Variants in ADGRD1 observed in about 807,000 individuals in gnomAD.
ADGRD1 encodes the protein G-protein coupled receptor 133.
Under a neutral mutation model 113.4 loss-of-function variants are expected in ADGRD1, and 77 were observed. The ratio of observed to expected loss-of-function variants is 0.68; its 90% confidence interval spans 0.57 to 0.82. The LOEUF (loss-of-function observed/expected upper bound fraction) is 0.82, where lower values mean the gene tolerates loss of function less well. ADGRD1 is among the 40% of genes least tolerant of loss of function. The pLI is 0.00. For missense variants in ADGRD1, 1,036 were observed against 1,139.1 expected (o/e 0.91, Z 1.30); for synonymous variants, 474 against 475.0 (o/e 1.00, Z 0.03).
chr12:130,971,688 A>G lies in ADGRD1; in HGVS notation c.310+108A>G. On this transcript the variant is annotated intron_variant, in intron 4 of 24. Coordinates refer to ENST00000261654, the MANE Select transcript of ADGRD1 (RefSeq NM_198827.5). The surrounding 1 kb of genome is among the most constrained non-coding windows in gnomAD (Gnocchi z 4.2). ...AACCTGAGGTTCTCATCAATTGCAG[A>G]ATGCGTGAGAATGTCAACGATGGAT... 8.3e-7 allele frequency: 1 copy of G among 1,210,716 alleles called. No individual in the cohort carries two copies. Among genetic ancestry groups the G allele is most frequent in the Non-Finnish European group, 1.1e-6 (1 of 871,284 alleles). The allele number at this position is 1,210,716 out of a possible 1,614,324, so 75.0% of individuals were successfully genotyped here.
At chr12:131,081,216 C>G (rs1243665250) in intron 14 of ADGRD1, among the ~76,000 whole-genome samples, 1 of 151,962 alleles carries the variant, frequency 6.6e-6, no homozygotes, top group Non-Finnish European at 1.5e-5. Flanking sequence ...TGGGTCGTGT[C>G]TTTTCTTTAA....
chr12:131,095,545 T>A (rs924827704), intron 15 of ADGRD1, among the ~76,000 whole-genome samples: 1 of 151,940 alleles, frequency 6.6e-6, no homozygotes, highest in Non-Finnish European at 1.5e-5. Context: ...AGAATTGGGG[T>A]CTTACTCTGT....
At chr12:131,102,928 G>A (rs75652236) in intron 15 of ADGRD1, among the ~76,000 whole-genome samples, 2,871 of 152,294 alleles carry the variant, frequency 0.019, 90 homozygotes, top group African/African-American at 0.065. Flanking sequence ...AGGGGACGGG[G>A]GCCCCATTTC....
intron 4 of ADGRD1, chr12:130,978,406 T>TGCTTATA (rs1244965869): frequency 6.6e-6 from 1 of 152,226 alleles, no homozygotes; most frequent in African/African-American, 2.4e-5. Flanking sequence ...TAGGATTCAG[T>TGCTTATA]GCTTATAACA....
Position 130,966,216 on chromosome 12 carries a change from A to T in ADGRD1, c.104-247A>T, listed in dbSNP as rs1477892280. 6.6e-6 allele frequency among the ~76,000 whole-genome samples: 1 copy of T among 152,208 alleles called. No individual in the cohort carries two copies. The highest frequency in any genetic ancestry group is 1.9e-4 in the East Asian group (1 of 5,198). On this transcript the variant is annotated intron_variant, in intron 2 of 24. Coordinates refer to ENST00000261654, the MANE Select transcript of ADGRD1 (RefSeq NM_198827.5). This position sits in a 1 kb window ranked among gnomAD's most constrained non-coding sequence, Gnocchi z 4.6. Reference sequence around the variant, plus strand: ...ATGCAGTGGCTTCTGTTTTCATGCAACAAGAGGCATCTATTCCTATTTACC... The same window carrying T: ...ATGCAGTGGCTTCTGTTTTCATGCATCAAGAGGCATCTATTCCTATTTACC...
intron 14 of ADGRD1, among the ~76,000 whole-genome samples, chr12:131,080,707 G>A (rs1226059226): frequency 1.3e-5 from 2 of 152,006 alleles, no homozygotes; most frequent in African/African-American, 2.4e-5. Flanking sequence ...TGCAAGCTCC[G>A]CCTCCCAGGT....
chr12:131,060,318 T>A lies in ADGRD1; in HGVS notation c.1474-16483T>A, dbSNP rs1884212288. Among the ~76,000 whole-genome samples, 1 of 152,184 alleles carries A rather than the reference T, an allele frequency of 6.6e-6. No individual in the cohort carries two copies. Among genetic ancestry groups the A allele is most frequent in the Non-Finnish European group, 1.5e-5 (1 of 68,030 alleles). On this transcript the variant is annotated intron_variant, in intron 13 of 24. Transcript: ENST00000261654. This position sits in a 1 kb window ranked among gnomAD's most constrained non-coding sequence, Gnocchi z 4.4. The stretch of plus-strand genomic sequence containing the variant: ...ACACTTTCTCCCGTGGTATTTGGAG[T>A]AGCTAATTACTGCCTGTCTAGGTGG...
chr12:131,037,455 G>T (rs1169519598), intron 13 of ADGRD1, among the ~76,000 whole-genome samples: 1 of 144,610 alleles, frequency 6.9e-6, no homozygotes. Context: ...CACTGCATGG[G>T]GCCTCACTCA....
intron 20 of ADGRD1, among the ~76,000 whole-genome samples, chr12:131,121,299 G>A (rs967364783): frequency 2.6e-5 from 4 of 152,244 alleles, no homozygotes; most frequent in Non-Finnish European, 4.4e-5. Flanking sequence ...AATCTCAGCA[G>A]AAGCCTCCTG....
intron 3 of ADGRD1, chr12:130,968,981 C>T (rs1050846535): frequency 1.3e-6 from 2 of 1,530,616 alleles, no homozygotes; most frequent in Non-Finnish European, 1.8e-6. Context: ...ACCCAGCGTC[C>T]CGAACCCACA....
intron 21 of ADGRD1, 55 bp from the exon 22 acceptor site, chr12:131,135,980 TCA>T: frequency 1.2e-6 from 2 of 1,602,408 alleles, no homozygotes; most frequent in Non-Finnish European, 1.7e-6. Context: ...AGGGCAGTCC[TCA>T]CAGCCTGCAC....
At chr12:131,103,431 C>T (rs918078923) in intron 15 of ADGRD1, among the ~76,000 whole-genome samples, 7 of 152,270 alleles carry the variant, frequency 4.6e-5, no homozygotes, top group African/African-American at 7.2e-5. Context: ...CCCAGCCCCA[C>T]GCACCCAGGA....
In ADGRD1 at chr12:131,088,416, A is replaced by T. The variant is rs529796685; in HGVS notation, c.1671+3753A>T. 2.6e-5 allele frequency among the ~76,000 whole-genome samples: 4 copies of T among 152,342 alleles called. No individual in the cohort carries two copies. The South Asian group carries it at 8.3e-4, about 32-fold the overall frequency. Reference sequence around the variant, plus strand: ...GATCATGTCGGATGACTTGTGGATAATTAGGCTCTAAAACGCAGTCCTGGT... The same window carrying T: ...GATCATGTCGGATGACTTGTGGATATTTAGGCTCTAAAACGCAGTCCTGGT... On this transcript the variant is annotated intron_variant, in intron 15 of 24. Coordinates refer to ENST00000261654, the MANE Select transcript of ADGRD1 (RefSeq NM_198827.5).
At chr12:131,130,358 G>A (rs1014572763) in intron 20 of ADGRD1, among the ~76,000 whole-genome samples, 2 of 152,188 alleles carry the variant, frequency 1.3e-5, no homozygotes, top group Non-Finnish European at 2.9e-5. Context: ...GACAGGAGCC[G>A]AGGAGGGAAC....
intron 13 of ADGRD1, among the ~76,000 whole-genome samples, chr12:131,014,638 C>G (rs139953266): frequency 5.9e-5 from 9 of 152,304 alleles, no homozygotes; most frequent in Non-Finnish European, 1.2e-4. Context: ...AACAAGTGTC[C>G]TTACTGGAGG....
In ADGRD1 at chr12:130,954,415, C is replaced by T. The variant is rs541350448; in HGVS notation, c.-51C>T. The T allele has an allele frequency of 5.2e-5, 77 of 1,477,542 alleles. 1 individual carries two copies. The South Asian group carries it at 9.7e-4, about 19-fold the overall frequency. 91.5% of individuals were successfully genotyped at this position (1,477,542 alleles called of 1,614,324 possible). ...TGAAGGTTAAGAGGTCCCGTTCTCA[C>T]AGACCCTCAGGAATTTCACTTGGCT... On this transcript the variant is annotated 5_prime_UTR_variant, in exon 1 of 25. Coordinates refer to ENST00000261654, the MANE Select transcript of ADGRD1 (RefSeq NM_198827.5). The surrounding 1 kb of genome is among the most constrained non-coding windows in gnomAD (Gnocchi z 4.7).
intron 2 of ADGRD1, among the ~76,000 whole-genome samples, chr12:130,964,640 G>A (rs565783511): frequency 2.6e-5 from 4 of 152,226 alleles, no homozygotes; most frequent in Non-Finnish European, 4.4e-5. Context: ...AGCCGAGATC[G>A]CGCCATTGCA....
intron 13 of ADGRD1, among the ~76,000 whole-genome samples, chr12:131,054,464 G>A (rs910534737): frequency 6.6e-6 from 1 of 152,216 alleles, no homozygotes; most frequent in Admixed American, 6.5e-5. Context: ...GCTAAGTCCA[G>A]TTTTGCTTAC....
chr12:131,107,274 T>C (rs56165672), intron 17 of ADGRD1, among the ~76,000 whole-genome samples: 6,034 of 44,866 alleles, frequency 0.13, 423 homozygotes, highest in African/African-American at 0.31. Flanking sequence ...GGGTCCTGCT[T>C]TCCCAGAGAC....
Sources: gnomAD v4.1 joint callset for allele counts (sites outside exome capture counted in the v4.1 genomes callset) on GRCh38, gnomAD v4.1.1 for gene constraint, Gnocchi (gnomAD v3.1) non-coding constraint, MANE v1.5 for transcripts, NCBI Gene and HGNC (gene_info 2026-07-23, HGNC 2026-07-21) for gene names.